PCDH15: variants seen among roughly 807,000 people sequenced by gnomAD.
PCDH15 encodes protocadherin related 15.
Under a neutral mutation model 178.5 loss-of-function variants are expected in PCDH15, and 129 were observed. That is an observed-to-expected ratio of 0.72 (90% CI 0.63 to 0.84). The LOEUF (loss-of-function observed/expected upper bound fraction) is 0.84, where lower values mean the gene tolerates loss of function less well. PCDH15 is among the 40% of genes least tolerant of loss of function. The pLI is 0.00. For missense variants in PCDH15, 2,230 were observed against 2,099.9 expected (o/e 1.06, Z -1.21); for synonymous variants, 800 against 732.0 (o/e 1.09, Z -1.50).
At chr10:53,840,060 A>C (rs1428016986) in intron 29 of PCDH15, among the ~76,000 whole-genome samples, 2 of 152,172 alleles carry the variant, frequency 1.3e-5, no homozygotes, top group Non-Finnish European at 2.9e-5. Context: ...GATTTCAAGG[A>C]GCTGTTCCTT....
chr10:54,274,120 C>T (rs2058207679), intron 8 of PCDH15, among the ~76,000 whole-genome samples: 1 of 152,044 alleles, frequency 6.6e-6, no homozygotes, highest in South Asian at 2.1e-4. Context: ...GGGGACAGCA[C>T]ACACTGGGGC....
chr10:54,254,208 G>A (rs1165461950), intron 8 of PCDH15, among the ~76,000 whole-genome samples: 5 of 152,024 alleles, frequency 3.3e-5, no homozygotes, highest in Admixed American at 6.6e-5. Context: ...GTCTCACCCC[G>A]TGGTTAGTGT....
chr10:54,083,929 A>G (rs913432986), intron 16 of PCDH15, among the ~76,000 whole-genome samples: 1 of 152,152 alleles, frequency 6.6e-6, no homozygotes, highest in East Asian at 1.9e-4. Flanking sequence ...GTGTTCAAAC[A>G]TAATTTAAAA....
At chr10:54,606,624 A>G (rs2092753065) in intron 2 of PCDH15, 1 of 152,158 alleles carries the variant, frequency 6.6e-6, no homozygotes, top group Non-Finnish European at 1.5e-5. Context: ...GATTGTGGAA[A>G]GATGCCAGTT....
chr10:54,269,921 A>G (rs1300514277), intron 8 of PCDH15, among the ~76,000 whole-genome samples: 1 of 152,002 alleles, frequency 6.6e-6, no homozygotes, highest in Non-Finnish European at 1.5e-5. Context: ...CACATAATAA[A>G]TTTCTAAGTA....
At chr10:54,452,726 G>A (rs1001416957) in intron 3 of PCDH15, among the ~76,000 whole-genome samples, 1 of 152,032 alleles carries the variant, frequency 6.6e-6, no homozygotes, top group African/African-American at 2.4e-5. Flanking sequence ...GTTTATAGAT[G>A]CACATAAGAT....
At chr10:54,326,489 T>C (rs1021491813) in intron 7 of PCDH15, among the ~76,000 whole-genome samples, 36 of 152,326 alleles carry the variant, frequency 2.4e-4, no homozygotes, top group Admixed American at 7.2e-4. Context: ...TATATAATAC[T>C]GTAATAATGT....
chr10:54,058,865 T>G, intron 18 of PCDH15, among the ~76,000 whole-genome samples: 1 of 152,070 alleles, frequency 6.6e-6, no homozygotes, highest in East Asian at 1.9e-4. Context: ...CAGCTAATTT[T>G]ATATTTTCAG....
At chr10:55,521,971 TAGTCTCTACTGA>T (rs1841186575) in intron 2 of PCDH15, among the ~76,000 whole-genome samples, 1 of 151,912 alleles carries the variant, frequency 6.6e-6, no homozygotes, top group African/African-American at 2.4e-5. Context: ...ATTTCAAGTA[TAGTCTCTACTGA>T]ATGCATATTG....
intron 8 of PCDH15, among the ~76,000 whole-genome samples, chr10:54,242,187 TACACACACACACATAC>T (rs2055464341): frequency 1.3e-5 from 1 of 76,796 alleles, no homozygotes; most frequent in African/African-American, 5.4e-5. Flanking sequence ...TATATATATA[TACACACACACACATAC>T]ATACATACAC....
At chr10:54,366,166 T>C (rs911882705) in intron 5 of PCDH15, among the ~76,000 whole-genome samples, 6 of 152,126 alleles carry the variant, frequency 3.9e-5, no homozygotes, top group African/African-American at 1.4e-4. Context: ...AGTTTTCTCA[T>C]GGTGAATAAA....
intron 2 of PCDH15, among the ~76,000 whole-genome samples, chr10:55,095,344 G>A (rs1842423527): frequency 6.6e-6 from 1 of 151,832 alleles, no homozygotes; most frequent in Non-Finnish European, 1.5e-5. Context: ...AAATTAAAGT[G>A]TTAAATATAT....
intron 21 of PCDH15, among the ~76,000 whole-genome samples, chr10:53,982,492 A>T (rs547113207): frequency 1.3e-5 from 2 of 152,236 alleles, no homozygotes; most frequent in East Asian, 3.9e-4. Context: ...ATGCAGCCAT[A>T]AAAAATGATG....
intron 2 of PCDH15, among the ~76,000 whole-genome samples, chr10:55,388,769 A>ATTT (rs1837724259): frequency 6.6e-6 from 1 of 152,110 alleles, no homozygotes; most frequent in Admixed American, 6.6e-5. Context: ...TTTTTATGGA[A>ATTT]TATCAACCAG....
intron 33 of PCDH15, among the ~76,000 whole-genome samples, chr10:53,819,438 A>T (rs948709238): frequency 1.3e-5 from 2 of 152,124 alleles, no homozygotes; most frequent in South Asian, 4.1e-4. Context: ...AGAGGTACAT[A>T]ACAGAACTAC....
intron 2 of PCDH15, among the ~76,000 whole-genome samples, chr10:55,070,777 T>C (rs1032792295): frequency 6.6e-6 from 1 of 152,094 alleles, no homozygotes; most frequent in African/African-American, 2.4e-5. Flanking sequence ...TTTGGTTCCA[T>C]ATGAACTTTA....
intron 11 of PCDH15, among the ~76,000 whole-genome samples, chr10:54,186,018 C>A (rs1470133945): frequency 6.6e-6 from 1 of 151,920 alleles, no homozygotes; most frequent in African/African-American, 2.4e-5. Flanking sequence ...AATTTCATTG[C>A]CACCCCTGAA....
At chr10:55,326,236 T>A (rs1395991635) in intron 2 of PCDH15, among the ~76,000 whole-genome samples, 1 of 152,168 alleles carries the variant, frequency 6.6e-6, no homozygotes, top group Admixed American at 6.6e-5. Flanking sequence ...TTATTGTGTG[T>A]ATACCCAAAG....
intron 2 of PCDH15, among the ~76,000 whole-genome samples, chr10:55,538,650 T>C (rs1472653500): frequency 4.7e-4 from 2 of 4,252 alleles, no homozygotes; most frequent in South Asian, 0.014. Context: ...TTCCTTCCTT[T>C]CCTTCCTTCC....
Sources: gnomAD v4.1 joint callset for allele counts (sites outside exome capture counted in the v4.1 genomes callset) on GRCh38, gnomAD v4.1.1 for gene constraint, MANE v1.5 for transcripts, NCBI Gene and HGNC (gene_info 2026-07-23, HGNC 2026-07-21) for gene names.